The following UNC13C variants were observed in gnomAD, a reference collection of about 807,000 sequenced individuals.
The protein encoded by UNC13C is unc-13 homolog C, also known as protein unc-13 homolog C.
A neutral mutation model predicts 245.4 loss-of-function variants in UNC13C; 174 were observed. The observed-to-expected ratio is 0.71, with a 90% confidence interval of 0.63 to 0.80. The LOEUF (loss-of-function observed/expected upper bound fraction) is 0.80. UNC13C is among the 30% of genes least tolerant of loss of function. UNC13C has a pLI of 0.00. For synonymous variants in UNC13C, 992 were observed against 895.1 expected (o/e 1.11, Z -1.93); for missense variants, 2,829 against 2,602.9 (o/e 1.09, Z -1.89).
chr15:53,845,331 A>AG, the UNC13C span, among the ~76,000 whole-genome samples: 1 of 151,776 alleles, frequency 6.6e-6, no homozygotes, highest in Admixed American at 6.6e-5. Flanking sequence ...TCAAAAAAAA[A>AG]AAAAAAAATT....
intron 22 of UNC13C, among the ~76,000 whole-genome samples, chr15:54,504,632 T>C (rs544252793): frequency 2.0e-5 from 3 of 152,344 alleles, no homozygotes; most frequent in African/African-American, 7.2e-5. Context: ...CCCTATCTTA[T>C]GTTGGATGTG....
intron 4 of UNC13C, among the ~76,000 whole-genome samples, chr15:54,183,061 G>C (rs964523905): frequency 1.3e-5 from 2 of 151,778 alleles, no homozygotes; most frequent in Non-Finnish European, 2.9e-5. Flanking sequence ...ATTCAAGCTA[G>C]TAGAGGAGAA....
intron 17 of UNC13C, among the ~76,000 whole-genome samples, chr15:54,382,299 G>C (rs1012424682): frequency 1.3e-5 from 2 of 152,092 alleles, no homozygotes; most frequent in African/African-American, 2.4e-5. Context: ...AAAAAGTGAG[G>C]CTGGGCTCAG....
intron 19 of UNC13C, among the ~76,000 whole-genome samples, chr15:54,437,981 C>T (rs954423388): frequency 1.3e-5 from 2 of 151,906 alleles, no homozygotes; most frequent in African/African-American, 4.8e-5. Context: ...ATCTAAAACT[C>T]TTACATTTTT....
At chr15:53,837,770 T>C in the UNC13C span, among the ~76,000 whole-genome samples, 3 of 152,132 alleles carry the variant, frequency 2.0e-5, no homozygotes, top group African/African-American at 7.2e-5. Context: ...TTTCACTTTT[T>C]ACATGGCATT....
At chr15:53,949,494 G>T in the UNC13C span, among the ~76,000 whole-genome samples, 1 of 152,284 alleles carries the variant, frequency 6.6e-6, no homozygotes, top group East Asian at 1.9e-4. Context: ...TCAAAGATTT[G>T]ACTATGATCT....
At chr15:54,281,535 T>G (rs555091751) in intron 10 of UNC13C, among the ~76,000 whole-genome samples, 24 of 152,338 alleles carry the variant, frequency 1.6e-4, no homozygotes, top group Non-Finnish European at 3.4e-4. Context: ...TTCTATTCCT[T>G]AACTGCTGTT....
chr15:54,607,474 TAG>T (rs1164731104), intron 30 of UNC13C, among the ~76,000 whole-genome samples: 2 of 152,180 alleles, frequency 1.3e-5, no homozygotes, highest in Non-Finnish European at 2.9e-5. Context: ...AGGAGATTGT[TAG>T]AGTGACCGTT....
At chr15:54,414,845 T>A (rs1307586654) in intron 18 of UNC13C, 137 bp from the exon 19 acceptor site, 17 of 523,226 alleles carry the variant, frequency 3.2e-5, no homozygotes. Flanking sequence ...TTACGAAAGT[T>A]CATAAAGAGA....
the UNC13C span, chr15:53,911,333 A>G: frequency 3.9e-5 from 6 of 151,938 alleles, no homozygotes; most frequent in Non-Finnish European, 8.8e-5. Flanking sequence ...CTGGCGGGAC[A>G]CTCCGATTCA....
rs554750837 is a variant in UNC13C, at chr15:54,049,642, T to A, written c.2983+33756T>A. ...CAGGTGCAAAAACAACATGCCCAAT[T>A]CCACACACTCCAGCAGTCTGAGTGC... On this transcript the variant is annotated intron_variant, in intron 2 of 32. Coordinates refer to ENST00000260323, the MANE Select transcript of UNC13C (RefSeq NM_001080534.3). The A allele has an allele frequency of 6.8e-5, 17 of 249,902 alleles. No homozygotes were observed. In the East Asian group the frequency reaches 2.2e-3, roughly 32 times the overall value. 15.5% of individuals were successfully genotyped at this position (249,902 alleles called of 1,614,324 possible). A position where few individuals can be genotyped will look rare whatever the true frequency, so the allele number is the denominator to read the frequency against.
chr15:54,084,244 T>C (rs13329324), intron 2 of UNC13C, among the ~76,000 whole-genome samples: 6,535 of 152,280 alleles, frequency 0.043, 492 homozygotes, highest in African/African-American at 0.15. Context: ...CCTTTTTTCT[T>C]CAGTTCTGTA....
chr15:54,601,461 T>C (rs2141272684), intron 30 of UNC13C, among the ~76,000 whole-genome samples: 1 of 152,292 alleles, frequency 6.6e-6, no homozygotes, highest in East Asian at 1.9e-4. Flanking sequence ...TAGGGAGCTT[T>C]GGTAGGATCT....
intron 24 of UNC13C, among the ~76,000 whole-genome samples, chr15:54,518,971 G>A (rs186905822): frequency 2.2e-4 from 33 of 152,134 alleles, no homozygotes; most frequent in African/African-American, 7.5e-4. Context: ...TTATAAAACG[G>A]GGATTCCTGT....
At chr15:54,184,918 C>G (rs1220574598) in intron 4 of UNC13C, among the ~76,000 whole-genome samples, 1 of 152,108 alleles carries the variant, frequency 6.6e-6, no homozygotes, top group Admixed American at 6.5e-5. Context: ...TCCACATCCT[C>G]TCCAGCACCT....
intron 17 of UNC13C, among the ~76,000 whole-genome samples, chr15:54,339,384 G>A (rs1454644695): frequency 6.6e-6 from 1 of 152,024 alleles, no homozygotes; most frequent in Non-Finnish European, 1.5e-5. Flanking sequence ...AGTGTACACT[G>A]AACCCAATTT....
intron 2 of UNC13C, among the ~76,000 whole-genome samples, chr15:54,045,664 G>A (rs574694689): frequency 6.6e-6 from 1 of 152,234 alleles, no homozygotes; most frequent in East Asian, 1.9e-4. Context: ...GCTGAAATCT[G>A]TTTTTCTTAA....
intron 19 of UNC13C, among the ~76,000 whole-genome samples, chr15:54,457,892 G>GTTTTTTTTTTTTTTTCTTTTTTTTTTTT (rs34133938): frequency 1.6e-5 from 2 of 122,984 alleles, no homozygotes; most frequent in Non-Finnish European, 1.6e-5. Context: ...TCTGCTTTTC[G>GTTTTTTTTTTTTTTTCTTTTTTTTTTTT]TTTTTTTTTT....
chr15:54,220,127 C>A (rs2035176212), intron 4 of UNC13C, among the ~76,000 whole-genome samples: 1 of 150,674 alleles, frequency 6.6e-6, no homozygotes, highest in Admixed American at 6.6e-5. Flanking sequence ...AATCATGCTG[C>A]TATAAAGACA....
Sources: allele counts gnomAD v4.1 joint callset (sites outside exome capture counted in the v4.1 genomes callset), GRCh38; gene constraint gnomAD v4.1.1; transcripts MANE v1.5; gene names NCBI Gene and HGNC (gene_info 2026-07-23, HGNC 2026-07-21).